PPP3CA: variants seen among roughly 807,000 people sequenced by gnomAD.
PPP3CA encodes CAM-PRP catalytic subunit.
A neutral mutation model predicts 66.5 loss-of-function variants in PPP3CA; 14 were observed. The observed-to-expected ratio is 0.21, with a 90% CI of 0.14 to 0.33. PPP3CA has a LOEUF of 0.33. Among genes scored for constraint, PPP3CA ranks in the 10% least tolerant of loss-of-function variants. The pLI, the probability that PPP3CA is intolerant of heterozygous loss-of-function variation, is 1.00. For missense variants in PPP3CA, 317 were observed against 639.5 expected (o/e 0.50, Z 5.44); for synonymous variants, 232 against 226.2 (o/e 1.03, Z -0.23).
At chr4:101,095,371 T>C (rs921886746) in intron 5 of PPP3CA, among the ~76,000 whole-genome samples, 4 of 152,138 alleles carry the variant, frequency 2.6e-5, no homozygotes, top group Admixed American at 6.5e-5. Flanking sequence ...GGAAAAAGTA[T>C]ACAGTGCATT....
intron 10 of PPP3CA, among the ~76,000 whole-genome samples, chr4:101,043,968 A>C (rs1439866380): frequency 6.6e-6 from 1 of 152,248 alleles, no homozygotes; most frequent in Non-Finnish European, 1.5e-5. Context: ...AAATAACCTG[A>C]CCATGGACAG....
intron 2 of PPP3CA, among the ~76,000 whole-genome samples, chr4:101,147,956 C>A (rs927666017): frequency 2.6e-5 from 4 of 152,160 alleles, no homozygotes; most frequent in Non-Finnish European, 5.9e-5. Flanking sequence ...CTAAGATCCA[C>A]GTCTCTGTCC....
rs142103846 is a variant in PPP3CA at position 101,287,970 on chromosome 4, G to A, written c.58+58769C>T. Among the ~76,000 whole-genome samples, 1,138 of 152,098 alleles carry A rather than the reference G, an allele frequency of 7.5e-3. 7 individuals carry two copies. The highest frequency in any genetic ancestry group is 0.026 in the African/African-American group (1,062 of 41,464). On this transcript the variant is annotated intron_variant, in intron 1 of 13. Transcript: ENST00000394854. The stretch of plus-strand genomic sequence containing the variant: ...ATTTTTTTCCTTCCTTGACCCAACC[G>A]TTTAAGTCAGACAGGTTGAGGAGAC...
intron 1 of PPP3CA, among the ~76,000 whole-genome samples, chr4:101,247,147 TTTC>T (rs1486004377): frequency 6.6e-6 from 1 of 151,982 alleles, no homozygotes; most frequent in Non-Finnish European, 1.5e-5. Flanking sequence ...TGTCATCGTT[TTTC>T]TTTTTTCCTT....
rs899567746 is a variant in PPP3CA, at chr4:101,196,058, T to A, written c.117A>T (p.Gly39=). The change falls in exon 2 of 14, where the codon GGA becomes GGT. Residue 39 remains glycine (G), a synonymous_variant. Transcript: ENST00000394854. ...LTAKEVFDND[G]KPRVDILKAH... is the part of the protein sequence containing the mutation. ...CCTTTAAGATATCCACACGAGGTTT[T>A]CCATCATTATCAAACACTTCTTTTG... The A allele has an allele frequency of 1.9e-6, 3 of 1,613,948 alleles. No homozygotes were observed. In the Admixed American group the frequency reaches 5.0e-5, roughly 27 times the overall value.
chr4:101,176,994 C>T (rs923599535), intron 2 of PPP3CA, among the ~76,000 whole-genome samples: 1 of 152,052 alleles, frequency 6.6e-6, no homozygotes, highest in African/African-American at 2.4e-5. Context: ...TAAAAGCATG[C>T]ATATTTAAAT....
intron 1 of PPP3CA, among the ~76,000 whole-genome samples, chr4:101,293,980 G>A (rs535779680): frequency 1.6e-3 from 249 of 152,258 alleles, no homozygotes; most frequent in Non-Finnish European, 2.6e-3. Flanking sequence ...TGAATGTACC[G>A]AGATAGGAAA....
intron 10 of PPP3CA, among the ~76,000 whole-genome samples, chr4:101,046,807 T>A (rs976407845): frequency 6.6e-6 from 1 of 152,170 alleles, no homozygotes; most frequent in African/African-American, 2.4e-5. Context: ...AACCTCTTGA[T>A]GAAATGAAGC....
At chr4:101,188,108 TC>T (rs376715576) in intron 2 of PPP3CA, among the ~76,000 whole-genome samples, 289 of 152,254 alleles carry the variant, frequency 1.9e-3, no homozygotes, top group East Asian at 0.014. Context: ...TAACTGCATT[TC>T]TGGGAATCAG....
At chr4:101,284,247 T>C (rs531721846) in intron 1 of PPP3CA, among the ~76,000 whole-genome samples, 1 of 152,342 alleles carries the variant, frequency 6.6e-6, no homozygotes, top group South Asian at 2.1e-4. Flanking sequence ...TCTGGAAATC[T>C]TGTATAGGAT....
At position 101,093,931 on chromosome 4, in the gene PPP3CA, G is replaced by A. The variant is rs772572685; in HGVS notation, c.643-16C>T. On this transcript the variant is annotated splice_polypyrimidine_tract_variant and intron_variant, in intron 5 of 13. Coordinates refer to ENST00000394854, the MANE Select transcript of PPP3CA (RefSeq NM_000944.5). ...ATCGGTCTAACTAAGAAAAATAGAA[G>A]ACAGAGAGCAAAATACTAATCTTTG... is the stretch of plus-strand genomic sequence containing the variant. 6.3e-7 allele frequency: 1 copy of A among 1,590,316 alleles called. No individual in the cohort carries two copies. Among genetic ancestry groups the A allele is most frequent in the Non-Finnish European group, 8.6e-7 (1 of 1,169,576 alleles).
chr4:101,205,504 A>G (rs1162807089), intron 1 of PPP3CA, among the ~76,000 whole-genome samples: 1 of 152,130 alleles, frequency 6.6e-6, no homozygotes, highest in Non-Finnish European at 1.5e-5. Flanking sequence ...CCTTTGTATT[A>G]ATAAACCTTA....
chr4:101,184,942 A>C (rs902034538), intron 2 of PPP3CA, among the ~76,000 whole-genome samples: 6 of 152,150 alleles, frequency 3.9e-5, no homozygotes, highest in Non-Finnish European at 7.4e-5. Context: ...GAGCTGCGGC[A>C]GTCCCACAGA....
chr4:101,278,140 T>TAAAAAAAAAAAAAAAAAAAAAAAAAAA (rs1394423187), intron 1 of PPP3CA, among the ~76,000 whole-genome samples: 18 of 118,738 alleles, frequency 1.5e-4, no homozygotes, highest in East Asian at 1.4e-3. Flanking sequence ...AAAAAAAAAA[T>TAAAAAAAAAAAAAAAAAAAAAAAAAAA]AAAAAAATTA....
intron 2 of PPP3CA, among the ~76,000 whole-genome samples, chr4:101,153,606 A>G (rs914052191): frequency 1.3e-5 from 2 of 152,224 alleles, no homozygotes; most frequent in Non-Finnish European, 2.9e-5. Context: ...CAACAAAAAG[A>G]GATCTTGTCA....
intron 2 of PPP3CA, among the ~76,000 whole-genome samples, chr4:101,163,860 C>T (rs1245280696): frequency 6.6e-6 from 1 of 151,990 alleles, no homozygotes; most frequent in East Asian, 1.9e-4. Flanking sequence ...AGGCACTATA[C>T]TGAGGTTTAG....
chr4:101,220,745 G>C (rs958165403), intron 1 of PPP3CA, among the ~76,000 whole-genome samples: 28 of 151,524 alleles, frequency 1.8e-4, no homozygotes, highest in Admixed American at 3.3e-4. Context: ...ATCAATAACT[G>C]ACATACACAC....
At chr4:101,242,744 T>C (rs1014117970) in intron 1 of PPP3CA, among the ~76,000 whole-genome samples, 6 of 151,978 alleles carry the variant, frequency 3.9e-5, no homozygotes, top group Non-Finnish European at 7.4e-5. Context: ...CTGGGCAACA[T>C]AGCAAGACCC....
intron 1 of PPP3CA, among the ~76,000 whole-genome samples, chr4:101,252,118 T>C (rs1042899007): frequency 6.6e-6 from 1 of 152,274 alleles, no homozygotes; most frequent in Middle Eastern, 3.4e-3. Flanking sequence ...AATTTCCAGA[T>C]AAAGAAAGCG....
Sources: allele counts gnomAD v4.1 joint callset (sites outside exome capture counted in the v4.1 genomes callset), GRCh38; gene constraint gnomAD v4.1.1; transcripts MANE v1.5; gene names NCBI Gene and HGNC (gene_info 2026-07-23, HGNC 2026-07-21).